Variants in STARD6 observed in about 807,000 individuals in gnomAD.
STARD6 encodes the protein StAR related lipid transfer domain containing 6.
In STARD6, 21 loss-of-function variants were observed where a neutral mutation model predicts 22.3. The observed-to-expected ratio is 0.94, with a 90% CI of 0.67 to 1.35. STARD6 has a LOEUF of 1.35. Among genes scored for constraint, STARD6 ranks in the 40% most tolerant of loss-of-function variants. The pLI is 0.00. For missense variants in STARD6, 269 were observed against 266.9 expected (o/e 1.01, Z -0.05); for synonymous variants, 80 against 88.1 (o/e 0.91, Z 0.52).
chr18:54,338,626 G>A (rs1359515584), intron 4 of STARD6, among the ~76,000 whole-genome samples: 2 of 150,476 alleles, frequency 1.3e-5, no homozygotes, highest in Admixed American at 6.6e-5. Flanking sequence ...TACCTAAAAC[G>A]TTGTTTTAAA....
chr18:54,342,515 A>T (rs1322889264), intron 4 of STARD6, among the ~76,000 whole-genome samples: 2 of 127,092 alleles, frequency 1.6e-5, no homozygotes, highest in Non-Finnish European at 3.3e-5. Flanking sequence ...TCTCCCTCTC[A>T]TGCGGAGCCG....
At chr18:54,325,916 C>T (rs2088821169) in intron 7 of STARD6, among the ~76,000 whole-genome samples, 1 of 152,172 alleles carries the variant, frequency 6.6e-6, no homozygotes, top group Non-Finnish European at 1.5e-5. Flanking sequence ...GTTTTTGACA[C>T]ATTAATTCCA....
chr18:54,354,439 A>C, intron 3 of STARD6, 45 bp downstream of exon 3: 1 of 1,487,794 alleles, frequency 6.7e-7, no homozygotes, highest in Non-Finnish European at 9.3e-7. Flanking sequence ...ATTGTTTCTT[A>C]CTTAAAAACA....
chr18:54,339,121 A>C (rs2088946765), intron 4 of STARD6, among the ~76,000 whole-genome samples: 1 of 148,124 alleles, frequency 6.8e-6, no homozygotes, highest in Admixed American at 6.7e-5. Context: ...GAACTAACGA[A>C]AGCAGGAAAA....
chr18:54,324,672 C>T lies in STARD6; in HGVS notation c.*20G>A, dbSNP rs2088807364. ...TACACATGATTTTATAGCAGAACGG[C>T]CTCATTTCTTCTTTTGGTATCATGA... On this transcript the variant is annotated 3_prime_UTR_variant, in exon 8 of 8. Coordinates refer to ENST00000307844, the MANE Select transcript of STARD6 (RefSeq NM_139171.2). The T allele has an allele frequency of 6.2e-7, 1 of 1,608,880 alleles. No individual in the cohort carries two copies. The highest frequency in any genetic ancestry group is 1.3e-5 in the African/African-American group (1 of 74,568).
At chr18:54,350,720 C>A (rs1381994432) in intron 4 of STARD6, among the ~76,000 whole-genome samples, 1 of 152,142 alleles carries the variant, frequency 6.6e-6, no homozygotes, top group Admixed American at 6.6e-5. Flanking sequence ...ATTATCCCAG[C>A]ACCATTTGTT....
rs2088931400 is a variant in STARD6, at chr18:54,337,830, G to A, written c.141-579C>T. Among the ~76,000 whole-genome samples the A allele has an allele frequency of 2.0e-5, 3 of 152,292 alleles. No individual in the cohort carries two copies. The South Asian group carries it at 6.2e-4, about 32-fold the overall frequency. Reference sequence around the variant, plus strand: ...GAAAAGTACAAATTACAGTTATATGGCTGTAAGGCAGAAATTATTTTTTGT... The same window carrying A: ...GAAAAGTACAAATTACAGTTATATGACTGTAAGGCAGAAATTATTTTTTGT... On this transcript the variant is annotated intron_variant, in intron 4 of 7. Transcript: ENST00000307844.
Position 54,348,952 on chromosome 18 carries a change from T to A in STARD6, c.140+5102A>T, listed in dbSNP as rs183093171. 1.2e-3 allele frequency among the ~76,000 whole-genome samples: 183 copies of A among 152,254 alleles called. 4 individuals are homozygous for A. In the South Asian group the frequency reaches 0.03, roughly 25 times the overall value. ...ATAACTTCCCATTTGGTAGCCAATATAATATAACTGAAGTCCATAAATTCA... is the reference window on the plus strand; with the variant it reads ...ATAACTTCCCATTTGGTAGCCAATAAAATATAACTGAAGTCCATAAATTCA... On this transcript the variant is annotated intron_variant, in intron 4 of 7. Coordinates refer to ENST00000307844, the MANE Select transcript of STARD6 (RefSeq NM_139171.2).
chr18:54,356,204 C>A (rs1341791233), intron 2 of STARD6, among the ~76,000 whole-genome samples, 157 bp downstream of exon 2: 1 of 152,220 alleles, frequency 6.6e-6, no homozygotes, highest in Non-Finnish European at 1.5e-5. Context: ...TTCCTTAGCT[C>A]TCACTTAAAA....
intron 7 of STARD6, among the ~76,000 whole-genome samples, chr18:54,327,871 T>C (rs2088836932): frequency 6.6e-6 from 1 of 152,068 alleles, no homozygotes; most frequent in Non-Finnish European, 1.5e-5. Context: ...TCTTATACTC[T>C]GTTTCACTTT....
intron 2 of STARD6, among the ~76,000 whole-genome samples, chr18:54,355,500 AC>A (rs2089135753): frequency 6.6e-6 from 1 of 152,146 alleles, no homozygotes; most frequent in Admixed American, 6.6e-5. Flanking sequence ...TAGTGCCCTC[AC>A]AAAAGAGACC....
chr18:54,331,956 A>G, intron 5 of STARD6, 97 bp from the exon 6 acceptor site: 1 of 783,302 alleles, frequency 1.3e-6, no homozygotes, highest in East Asian at 2.8e-5. Flanking sequence ...ATTGGCCTCT[A>G]TTTGGAAAAA....
At chr18:54,336,401 G>A (rs1472991332) in intron 5 of STARD6, among the ~76,000 whole-genome samples, 1 of 152,102 alleles carries the variant, frequency 6.6e-6, no homozygotes, top group African/African-American at 2.4e-5. Flanking sequence ...CTGCTGCCCA[G>A]TGAAGAAGGT....
At chr18:54,338,325 C>A (rs980934223) in intron 4 of STARD6, among the ~76,000 whole-genome samples, 13 of 152,158 alleles carry the variant, frequency 8.5e-5, no homozygotes, top group African/African-American at 2.9e-4. Context: ...CCACAAAACT[C>A]CCTGAATTAC....
At chr18:54,344,583 TAAA>T (rs55736082) in intron 4 of STARD6, among the ~76,000 whole-genome samples, 10 of 94,092 alleles carry the variant, frequency 1.1e-4, no homozygotes, top group Admixed American at 2.1e-4. Flanking sequence ...AAAAATAAAT[TAAA>T]AAAAAAAAAA....
chr18:54,330,509 T>G (rs1273892434), intron 6 of STARD6, among the ~76,000 whole-genome samples: 1 of 152,102 alleles, frequency 6.6e-6, no homozygotes, highest in Non-Finnish European at 1.5e-5. Context: ...GTAACTTACT[T>G]TCTTAACTGC....
chr18:54,338,877 G>A (rs985167711), intron 4 of STARD6, among the ~76,000 whole-genome samples: 4 of 151,390 alleles, frequency 2.6e-5, no homozygotes, highest in South Asian at 2.1e-4. Context: ...GTGAAACCCC[G>A]TCTCTACTAA....
intron 7 of STARD6, among the ~76,000 whole-genome samples, chr18:54,327,262 AATG>A (rs1222998129): frequency 6.6e-6 from 1 of 152,216 alleles, no homozygotes; most frequent in Non-Finnish European, 1.5e-5. Flanking sequence ...ATCAATATAT[AATG>A]ATAACAACTT....
chr18:54,330,529 A>G (rs193030306), intron 6 of STARD6, among the ~76,000 whole-genome samples: 244 of 152,222 alleles, frequency 1.6e-3, no homozygotes, highest in Middle Eastern at 0.01. Flanking sequence ...CTTAATTTCC[A>G]TGAACTTCAG....
Sources: allele counts gnomAD v4.1 joint callset (sites outside exome capture counted in the v4.1 genomes callset), GRCh38; gene constraint gnomAD v4.1.1; transcripts MANE v1.5; gene names NCBI Gene and HGNC (gene_info 2026-07-23, HGNC 2026-07-21).